The following TBC1D32 variants were observed in gnomAD, a reference collection of about 807,000 sequenced individuals.
TBC1D32 encodes protein broad-minded.
TBC1D32 carries 151 observed loss-of-function variants against 170.3 expected under a neutral mutation model. That is an observed-to-expected ratio of 0.89 (90% CI 0.78 to 1.01). TBC1D32 has a LOEUF of 1.01. Among genes scored for constraint, TBC1D32 ranks in the 50% least tolerant of loss-of-function variants. The pLI, the probability that TBC1D32 is intolerant of heterozygous loss-of-function variation, is 0.00. For missense variants in TBC1D32, 1,464 were observed against 1,457.1 expected (o/e 1.00, Z -0.08); for synonymous variants, 498 against 488.0 (o/e 1.02, Z -0.27).
At chr6:121,302,000 G>A (rs1806560094) in intron 9 of TBC1D32, among the ~76,000 whole-genome samples, 1 of 151,828 alleles carries the variant, frequency 6.6e-6, no homozygotes, top group African/African-American at 2.4e-5. Flanking sequence ...CAAAACCTTG[G>A]GTTTTAAACC....
chr6:121,232,898 G>A (rs539695223), intron 20 of TBC1D32, among the ~76,000 whole-genome samples: 2 of 151,474 alleles, frequency 1.3e-5, no homozygotes, highest in South Asian at 4.2e-4. Flanking sequence ...GCTGTATCTA[G>A]AGGTTTTGTC....
At position 121,080,126 on chromosome 6, in the gene TBC1D32, C is replaced by CA. The variant is rs929444953; in HGVS notation, c.*644dup. The CA allele has an allele frequency of 2.0e-5, 3 of 151,032 alleles. No homozygotes were observed. The highest frequency in any genetic ancestry group is 7.3e-5 in the African/African-American group (3 of 41,002). The allele number at this position is 151,032 out of a possible 1,614,324, so 9.4% of individuals were successfully genotyped here. On this transcript the variant is annotated 3_prime_UTR_variant, in exon 32 of 32. Transcript: ENST00000398212. ...GTCTTATGGGCTTTCTGCAGCTAGTCAAAATATTATTTACACTATTACTTC... is the reference window on the plus strand; with the variant it reads ...GTCTTATGGGCTTTCTGCAGCTAGTCAAAAATATTATTTACACTATTACTTC...
chr6:121,097,093 C>G (rs984253587), intron 30 of TBC1D32, among the ~76,000 whole-genome samples: 2 of 151,934 alleles, frequency 1.3e-5, no homozygotes, highest in African/African-American at 4.8e-5. Flanking sequence ...TTATAAAAAC[C>G]CTAGAAGAAA....
intron 27 of TBC1D32, 29 bp downstream of exon 27, chr6:121,115,143 C>A (rs776865921): frequency 1.3e-6 from 2 of 1,547,724 alleles, no homozygotes; most frequent in Non-Finnish European, 1.8e-6. Flanking sequence ...TCTAGAAATG[C>A]ACAAGGGAGC....
chr6:121,168,709 T>TAAC (rs1416464474), intron 22 of TBC1D32, among the ~76,000 whole-genome samples: 1 of 9,950 alleles, frequency 1.0e-4, no homozygotes, highest in Non-Finnish European at 1.9e-4. Context: ...ACTTAGAGTA[T>TAAC]AATAAAAAAA....
chr6:121,175,667 A>C (rs1787665882), intron 22 of TBC1D32, among the ~76,000 whole-genome samples: 3 of 152,152 alleles, frequency 2.0e-5, no homozygotes, highest in African/African-American at 7.2e-5. Flanking sequence ...GTCCCCCAAA[A>C]CATTCTGAGT....
intron 15 of TBC1D32, among the ~76,000 whole-genome samples, chr6:121,272,050 C>A (rs1440357177): frequency 2.0e-5 from 3 of 152,168 alleles, no homozygotes; most frequent in Admixed American, 6.5e-5. Flanking sequence ...AACTGGCTAG[C>A]CATATATAGA....
intron 26 of TBC1D32, among the ~76,000 whole-genome samples, chr6:121,125,039 T>C (rs532287387): frequency 1.3e-5 from 2 of 152,356 alleles, no homozygotes; most frequent in African/African-American, 4.8e-5. Context: ...GCATCTCATT[T>C]TGTCCATTTG....
intron 17 of TBC1D32, among the ~76,000 whole-genome samples, chr6:121,243,062 T>G (rs1797188494): frequency 6.6e-6 from 1 of 151,888 alleles, no homozygotes; most frequent in South Asian, 2.1e-4. Flanking sequence ...GAAATACAAC[T>G]TATAAATTCA....
intron 24 of TBC1D32, among the ~76,000 whole-genome samples, chr6:121,147,432 C>T (rs1049609085): frequency 1.3e-5 from 2 of 152,062 alleles, no homozygotes; most frequent in African/African-American, 4.8e-5. Context: ...TGCATTTGCA[C>T]CAAAAGTGTG....
chr6:121,085,175 A>T (rs976022193), intron 31 of TBC1D32, among the ~76,000 whole-genome samples: 1 of 149,838 alleles, frequency 6.7e-6, no homozygotes, highest in Non-Finnish European at 1.5e-5. Context: ...ACTAGAGATA[A>T]TCTTTTTGTG....
chr6:121,248,666 C>G (rs1053927073), intron 17 of TBC1D32, among the ~76,000 whole-genome samples: 1 of 151,788 alleles, frequency 6.6e-6, no homozygotes, highest in Admixed American at 6.6e-5. Context: ...TTCAAGGCTA[C>G]TATGAACACC....
intron 21 of TBC1D32, among the ~76,000 whole-genome samples, chr6:121,208,477 A>G (rs2128308631): frequency 6.6e-6 from 1 of 152,150 alleles, no homozygotes; most frequent in Non-Finnish European, 1.5e-5. Flanking sequence ...AAATCACCCC[A>G]TAATTCAGTT....
At chr6:121,157,030 C>T (rs1784989940) in intron 24 of TBC1D32, among the ~76,000 whole-genome samples, 1 of 152,012 alleles carries the variant, frequency 6.6e-6, no homozygotes, top group African/African-American at 2.4e-5. Context: ...GTCTACTTCA[C>T]CAAGTGTCAA....
rs1807005994 is a variant in TBC1D32, at chr6:121,304,425, A to AC, written c.874dup (p.Val292GlyfsTer6). ...TTTCTGATATTCATTTAGAAGACGAACCTACAAAGCAGTGCACAATAGTTC... is the reference window on the plus strand; with the variant it reads ...TTTCTGATATTCATTTAGAAGACGAACCCTACAAAGCAGTGCACAATAGTTC... On this transcript the variant is annotated frameshift_variant and splice_region_variant, in exon 8 of 32. Transcript: ENST00000398212. LOFTEE classifies it high-confidence loss of function. The AC allele has an allele frequency of 6.2e-7, 1 of 1,613,338 alleles. No homozygotes were observed. Among genetic ancestry groups the AC allele is most frequent in the African/African-American group, 1.3e-5 (1 of 74,992 alleles).
chr6:121,116,742 A>G (rs2128202610), intron 26 of TBC1D32, among the ~76,000 whole-genome samples: 1 of 152,290 alleles, frequency 6.6e-6, no homozygotes, highest in South Asian at 2.1e-4. Context: ...GAGTTGTCCA[A>G]AGGAATTGGA....
At chr6:121,268,491 C>A (rs1296715539) in intron 15 of TBC1D32, among the ~76,000 whole-genome samples, 1 of 152,068 alleles carries the variant, frequency 6.6e-6, no homozygotes, top group East Asian at 1.9e-4. Flanking sequence ...CCAGTTCGAT[C>A]AACTGGAAGA....
At chr6:121,159,902 G>C (rs1785394121) in intron 24 of TBC1D32, 108 bp downstream of exon 24, 2 of 731,066 alleles carry the variant, frequency 2.7e-6, no homozygotes, top group East Asian at 2.7e-5. Flanking sequence ...ATGCACACAT[G>C]TATACATGCT....
intron 15 of TBC1D32, among the ~76,000 whole-genome samples, chr6:121,276,760 T>A (rs984613176): frequency 5.3e-5 from 8 of 152,142 alleles, no homozygotes; most frequent in African/African-American, 1.9e-4. Flanking sequence ...AGTAGCTGTA[T>A]TAGTTTCAGA....
Sources: allele counts gnomAD v4.1 joint callset (sites outside exome capture counted in the v4.1 genomes callset), GRCh38; gene constraint gnomAD v4.1.1; transcripts MANE v1.5; gene names NCBI Gene and HGNC (gene_info 2026-07-23, HGNC 2026-07-21).